Variants in UACA observed in about 807,000 individuals in gnomAD.
UACA encodes uveal autoantigen with coiled-coil domains and ankyrin repeats.
Under a neutral mutation model 160.5 loss-of-function variants are expected in UACA, and 112 were observed. That is an observed-to-expected ratio of 0.70 (90% CI 0.60 to 0.82). The LOEUF (loss-of-function observed/expected upper bound fraction) is 0.82, where lower values mean the gene tolerates loss of function less well. Among genes scored for constraint, UACA ranks in the 40% least tolerant of loss-of-function variants. UACA has a pLI of 0.00. For missense variants in UACA, 1,574 were observed against 1,614.6 expected, an observed-to-expected ratio of 0.97 and a Z score of 0.43; for synonymous variants, 557 against 568.4, an observed-to-expected ratio of 0.98 and a Z score of 0.29.
Position 70,668,164 on chromosome 15 carries a change from T to C in UACA, c.2520A>G (p.Lys840=). Residue 840 remains lysine (K), a synonymous_variant, in exon 16 of 19, where the codon AAA becomes AAG. Transcript: ENST00000322954. ...LKKKCGEDQE[K]IHALTSENTN... ...TGTTTTCAGATGTGAGAGCGTGTAT[T>C]TTCTCCTGGTCTTCACCACATTTTT... 6.2e-7 allele frequency: 1 copy of C among 1,612,860 alleles called. No homozygotes were observed.
chr15:70,687,269 T>C (rs563017438), intron 7 of UACA, among the ~76,000 whole-genome samples: 1 of 152,334 alleles, frequency 6.6e-6, no homozygotes, highest in South Asian at 2.1e-4. Flanking sequence ...AATTCCTCTC[T>C]CCTTCAGTTC....
At chr15:70,753,719 GTTTC>G (rs1395117352) in intron 1 of UACA, among the ~76,000 whole-genome samples, 1 of 152,206 alleles carries the variant, frequency 6.6e-6, no homozygotes, top group Non-Finnish European at 1.5e-5. Context: ...CTCACAAGCA[GTTTC>G]TTTCTAAGTA....
intron 18 of UACA, among the ~76,000 whole-genome samples, chr15:70,659,880 G>C (rs1414579424): frequency 6.6e-6 from 1 of 152,020 alleles, no homozygotes; most frequent in Non-Finnish European, 1.5e-5. Flanking sequence ...CCATTAACGT[G>C]TGCTACCATC....
chr15:70,745,467 G>A (rs1255538653), intron 1 of UACA, among the ~76,000 whole-genome samples: 1 of 150,032 alleles, frequency 6.7e-6, no homozygotes, highest in African/African-American at 2.4e-5. Flanking sequence ...AAAAAGAGAG[G>A]ACATAAACAA....
At position 70,676,599 on chromosome 15, in the gene UACA, G is replaced by A. The variant is rs201856922; in HGVS notation, c.1033-8C>T. ...GGACTTCAGCTTTTCTCTCTGAAAT[G>A]AAACAGAATAAATACAGTAAAATCA... On this transcript the variant is annotated splice_polypyrimidine_tract_variant and splice_region_variant and intron_variant, in intron 12 of 18. Transcript: ENST00000322954. 3.0e-4 allele frequency: 488 copies of A among 1,604,438 alleles called. No homozygotes were observed. In the Middle Eastern group the frequency reaches 4.0e-3, roughly 13 times the overall value.
chr15:70,759,739 C>A (rs1204862771), intron 1 of UACA, among the ~76,000 whole-genome samples: 1 of 152,182 alleles, frequency 6.6e-6, no homozygotes, highest in Non-Finnish European at 1.5e-5. Flanking sequence ...TCCAGATTTG[C>A]TAGTAAAGGA....
chr15:70,681,805 C>T (rs983643428), intron 9 of UACA: 1 of 152,200 alleles, frequency 6.6e-6, no homozygotes, highest in African/African-American at 2.4e-5. Flanking sequence ...ATGATAAGTG[C>T]AGCAAACCAC....
chr15:70,694,003 C>T (rs1378874270), intron 3 of UACA, among the ~76,000 whole-genome samples: 2 of 152,130 alleles, frequency 1.3e-5, no homozygotes, highest in African/African-American at 4.8e-5. Context: ...CTGTCTCCCT[C>T]TCCCTCCCTT....
At chr15:70,773,729 A>G in the UACA span, among the ~76,000 whole-genome samples, 2 of 152,224 alleles carry the variant, frequency 1.3e-5, no homozygotes, top group Non-Finnish European at 2.9e-5. Context: ...GGAGATGGGC[A>G]ATGAAGAAAC....
At chr15:70,674,197 T>C (rs1044629497) in intron 13 of UACA, among the ~76,000 whole-genome samples, 1 of 152,134 alleles carries the variant, frequency 6.6e-6, no homozygotes, top group Non-Finnish European at 1.5e-5. Flanking sequence ...CTGTTATAAA[T>C]ACTGGGTCAC....
intron 1 of UACA, among the ~76,000 whole-genome samples, chr15:70,746,789 A>G (rs190624075): frequency 1.3e-3 from 191 of 152,320 alleles, no homozygotes; most frequent in Non-Finnish European, 2.0e-3. Context: ...TTCACCATGG[A>G]ATACTAGGCA....
At chr15:70,699,717 TAAAGAAAGAAA>T in intron 1 of UACA, 57 bp from the exon 2 acceptor site, 1 of 1,575,038 alleles carries the variant, frequency 6.3e-7, no homozygotes, top group Middle Eastern at 1.7e-4. Context: ...AAGATTTTTC[TAAAGAAAGAAA>T]AAAGAGAGAA....
intron 1 of UACA, among the ~76,000 whole-genome samples, chr15:70,703,496 G>A (rs537941673): frequency 1.6e-4 from 25 of 152,044 alleles, no homozygotes; most frequent in East Asian, 1.5e-3. Context: ...CCCAAACCAC[G>A]AGATATCACA....
At chr15:70,666,598 G>A (rs2241530) in intron 16 of UACA, 126 bp downstream of exon 16, 544,295 of 718,968 alleles carry the variant, frequency 0.76, 208,224 homozygotes, top group Admixed American at 0.82. Context: ...ATTTTTGCAC[G>A]CAAGTTGCTA....
At chr15:70,727,659 A>G (rs1213232509) in intron 1 of UACA, among the ~76,000 whole-genome samples, 1 of 152,234 alleles carries the variant, frequency 6.6e-6, no homozygotes, top group African/African-American at 2.4e-5. Flanking sequence ...TAAAATTAAA[A>G]TAATTGTGAA....
Position 70,758,375 on chromosome 15 carries a change from G to A in UACA, c.78+4955C>T, listed in dbSNP as rs2030552780. The A allele has an allele frequency of 2.6e-5, 4 of 152,324 alleles. No homozygotes were observed. In the South Asian group the frequency reaches 8.3e-4, roughly 32 times the overall value. 9.4% of individuals were successfully genotyped at this position (152,324 alleles called of 1,614,324 possible). ...CTGAATACAGCTTTAATTAAGGTAA[G>A]CATTTTTAATTTAAGGTTGGAATAG... On this transcript the variant is annotated intron_variant, in intron 1 of 18. Transcript: ENST00000322954.
intron 1 of UACA, among the ~76,000 whole-genome samples, chr15:70,737,402 A>T (rs1187601584): frequency 1.3e-5 from 2 of 152,150 alleles, no homozygotes; most frequent in Admixed American, 6.5e-5. Flanking sequence ...TTTGCACAGT[A>T]TTTTTTCCAT....
chr15:70,756,415 C>A (rs1299604229), intron 1 of UACA, among the ~76,000 whole-genome samples: 1 of 151,814 alleles, frequency 6.6e-6, no homozygotes, highest in South Asian at 2.1e-4. Context: ...CCCACCTCGG[C>A]CTCCCAAAGT....
chr15:70,667,953 G>A lies in UACA; in HGVS notation c.2731C>T (p.Leu911=), dbSNP rs752771670. 6.2e-7 allele frequency: 1 copy of A among 1,609,422 alleles called. No homozygotes were observed. The highest frequency in any genetic ancestry group is 8.5e-7 in the Non-Finnish European group (1 of 1,178,390). Residue 911 remains leucine, a synonymous_variant, in exon 16 of 19, where the codon CTG becomes TTG. Coordinates refer to ENST00000322954, the MANE Select transcript of UACA (RefSeq NM_018003.4). ...KDKNEILKRN[L]ENTQNQIKAE... is the part of the protein sequence containing the mutation. ...TTTATTTGGTTCTGAGTGTTTTCCA[G>A]GTTTCTTTTTAATATTTCATTCTTA...
Sources: gnomAD v4.1 joint callset for allele counts (sites outside exome capture counted in the v4.1 genomes callset) on GRCh38, gnomAD v4.1.1 for gene constraint, MANE v1.5 for transcripts, NCBI Gene and HGNC (gene_info 2026-07-23, HGNC 2026-07-21) for gene names.